NGDN: variants seen among roughly 807,000 people sequenced by gnomAD.
NGDN encodes neuroguidin, also known as EIF4E-binding protein.
Under a neutral mutation model 45.2 loss-of-function variants are expected in NGDN, and 41 were observed. The observed-to-expected ratio is 0.91, with a 90% CI of 0.71 to 1.18. The LOEUF (loss-of-function observed/expected upper bound fraction) is 1.18. NGDN is among the 50% of genes most tolerant of loss of function. The probability of loss-of-function intolerance (pLI) is 0.00; values close to 1 mark genes in which losing one functional copy is unlikely to be tolerated. For missense variants in NGDN, 402 were observed against 399.9 expected, an observed-to-expected ratio of 1.01 and a Z score of -0.05; for synonymous variants, 137 against 130.9, an observed-to-expected ratio of 1.05 and a Z score of -0.32.
Position 23,478,088 on chromosome 14 carries a change from A to G in NGDN, c.*62A>G. The G allele has an allele frequency of 2.7e-6, 4 of 1,495,288 alleles. No individual in the cohort carries two copies. The South Asian group carries it at 3.4e-5, about 13-fold the overall frequency. 92.6% of individuals were successfully genotyped at this position (1,495,288 alleles called of 1,614,324 possible). Reference sequence around the variant, plus strand: ...TGAGATACTTCTAATTTCATTGTATATAGGTGGTTTTCCCTGGAATTCATT... The same window carrying G: ...TGAGATACTTCTAATTTCATTGTATGTAGGTGGTTTTCCCTGGAATTCATT... On this transcript the variant is annotated 3_prime_UTR_variant, in exon 11 of 11. Coordinates refer to ENST00000408901, the MANE Select transcript of NGDN (RefSeq NM_001042635.2).
At chr14:23,477,430 A>G (rs1483867575) in intron 9 of NGDN, 73 bp from the exon 10 acceptor site, 4 of 1,612,558 alleles carry the variant, frequency 2.5e-6, no homozygotes, top group South Asian at 1.1e-5. Flanking sequence ...GCTTATTACC[A>G]TGAGGAACTT....
In NGDN at chr14:23,470,074, G is replaced by GA; in HGVS notation, c.46dup (p.Thr16AsnfsTer69). ...TGGAGTCCGACCTGCCAAGTGCCGT[G>GA]ACACTTCTGAAAAATCTCCAGGAGC... On this transcript the variant is annotated frameshift_variant, in exon 2 of 11. Coordinates refer to ENST00000408901, the MANE Select transcript of NGDN (RefSeq NM_001042635.2). LOFTEE classifies it high-confidence loss of function. 6.2e-7 allele frequency: 1 copy of GA among 1,614,108 alleles called. No homozygotes were observed. The highest frequency in any genetic ancestry group is 2.2e-5 in the East Asian group (1 of 44,878).
At chr14:23,474,918 TG>T (rs1449076524) in intron 3 of NGDN, among the ~76,000 whole-genome samples, 2 of 152,060 alleles carry the variant, frequency 1.3e-5, no homozygotes, top group African/African-American at 4.8e-5. Flanking sequence ...TAGTCTTTTT[TG>T]GGGGGGTAGT....
In NGDN at chr14:23,477,499, C is replaced by G. The variant is rs1384379994; in HGVS notation, c.871-4C>G. ...CATTCCATCACTTCTCCATCTGTCT[C>G]CAGGATCAGAATCCTATTAAGAAGC... On this transcript the variant is annotated splice_polypyrimidine_tract_variant and splice_region_variant and intron_variant, in intron 9 of 10. Transcript: ENST00000408901. 6.2e-7 allele frequency: 1 copy of G among 1,614,120 alleles called. No individual in the cohort carries two copies. The highest frequency in any genetic ancestry group is 2.2e-5 in the East Asian group (1 of 44,878).
rs10149626 is a variant in NGDN at position 23,470,072 on chromosome 14, G to A, written c.43G>A (p.Val15Met). 6.2e-7 allele frequency: 1 copy of A among 1,613,930 alleles called. No individual in the cohort carries two copies. The highest frequency in any genetic ancestry group is 1.7e-5 in the Admixed American group (1 of 59,996). The change falls in exon 2 of 11, where the codon GTG (valine) becomes ATG (methionine). Residue 15 changes from valine to methionine, a missense_variant. Coordinates refer to ENST00000408901, the MANE Select transcript of NGDN (RefSeq NM_001042635.2). Reference sequence around the variant, plus strand: ...GCTGGAGTCCGACCTGCCAAGTGCCGTGACACTTCTGAAAAATCTCCAGGA... The same window carrying A: ...GCTGGAGTCCGACCTGCCAAGTGCCATGACACTTCTGAAAAATCTCCAGGA... ...GVLESDLPSA[V>M]TLLKNLQEQV... is the part of the protein sequence containing the mutation.
In NGDN at chr14:23,477,484, C is replaced by T. The variant is rs946791946; in HGVS notation, c.871-19C>T. 3.7e-6 allele frequency: 6 copies of T among 1,614,018 alleles called. No homozygotes were observed. Among genetic ancestry groups the T allele is most frequent in the African/African-American group, 2.7e-5 (2 of 74,932 alleles). The stretch of plus-strand genomic sequence containing the variant: ...TCAGAACCACAGTGCCATTCCATCA[C>T]TTCTCCATCTGTCTCCAGGATCAGA... On this transcript the variant is annotated intron_variant, in intron 9 of 10. Transcript: ENST00000408901.
chr14:23,478,680 G>C (rs892896492), downstream of NGDN: 2 of 150,462 alleles, frequency 1.3e-5, no homozygotes, highest in Non-Finnish European at 3.0e-5. Flanking sequence ...GAGTGAGTAA[G>C]AAGGCTAGAG....
intron 3 of NGDN, among the ~76,000 whole-genome samples, chr14:23,473,212 T>G (rs549006337): frequency 1.5e-3 from 229 of 152,200 alleles, no homozygotes; most frequent in African/African-American, 5.3e-3. Flanking sequence ...TTAGCCAGGC[T>G]GGTCTCGAAC....
chr14:23,470,486 C>T (rs532742178), intron 2 of NGDN, among the ~76,000 whole-genome samples: 2 of 152,256 alleles, frequency 1.3e-5, no homozygotes, highest in African/African-American at 4.8e-5. Context: ...GAAATTTAGG[C>T]TTGATGCCGC....
chr14:23,477,952 C>G, intron 10 of NGDN, 55 bp from the exon 11 acceptor site: 2 of 1,614,110 alleles, frequency 1.2e-6, no homozygotes, highest in East Asian at 4.5e-5. Flanking sequence ...GTTTTCCTGT[C>G]CCTTTAGCTT....
chr14:23,477,333 G>C lies in NGDN; in HGVS notation c.847G>C (p.Gly283Arg), dbSNP rs568680206. 9 of 1,614,126 alleles carry C rather than the reference G, an allele frequency of 5.6e-6. No homozygotes were observed. The highest frequency in any genetic ancestry group is 7.6e-6 in the Non-Finnish European group (9 of 1,179,994). ...THFSDISALT[G>R]GTVHLDEDQN... Reference sequence around the variant, plus strand: ...CTTCAGTGACATCAGTGCTTTGACAGGGGGAACTGTTCATCTTGATGAGGT... The same window carrying C: ...CTTCAGTGACATCAGTGCTTTGACACGGGGAACTGTTCATCTTGATGAGGT... The change falls in exon 9 of 11, where the codon GGG becomes CGG. Residue 283 changes from glycine (G) to arginine (R), a missense_variant. By Grantham distance (125) the Gly-to-Arg change is moderately radical. Transcript: ENST00000408901.
chr14:23,476,137 G>T lies in NGDN; in HGVS notation c.529G>T (p.Val177Phe). 6.8e-6 allele frequency: 11 copies of T among 1,614,158 alleles called. No homozygotes were observed. Among genetic ancestry groups the T allele is most frequent in the Non-Finnish European group, 9.3e-6 (11 of 1,180,000 alleles). The change falls in exon 7 of 11, where the codon GTT (valine) becomes TTT (phenylalanine). Residue 177 changes from valine (V) to phenylalanine (F), a missense_variant. Val to Phe is a conservative substitution (Grantham distance 50). Transcript: ENST00000408901. ...VSKKYVPPRLVPVHYDETEAE... is the reference protein window; with the variant it reads ...VSKKYVPPRLFPVHYDETEAE... ...TAAGAAATATGTTCCTCCACGCTTG[G>T]TTCCAGTACATTATGGTATAAACTT...
Position 23,475,548 on chromosome 14 carries a change from C to T in NGDN, c.283-10C>T, listed in dbSNP as rs772959940. On this transcript the variant is annotated splice_polypyrimidine_tract_variant and intron_variant, in intron 4 of 10. Transcript: ENST00000408901. Reference sequence around the variant, plus strand: ...AGGAAATATAATCCTGATTAACTACCATGTTGTAGGTTTTGGAAAAGCTTC... The same window carrying T: ...AGGAAATATAATCCTGATTAACTACTATGTTGTAGGTTTTGGAAAAGCTTC... 4 of 1,612,464 alleles carry T rather than the reference C, an allele frequency of 2.5e-6. No homozygotes were observed. The highest frequency in any genetic ancestry group is 2.5e-6 in the Non-Finnish European group (3 of 1,179,058).
intron 3 of NGDN, among the ~76,000 whole-genome samples, chr14:23,473,753 A>T (rs1238506172): frequency 6.6e-6 from 1 of 152,224 alleles, no homozygotes; most frequent in Non-Finnish European, 1.5e-5. Context: ...TATATTTTGA[A>T]TGCTGTTTTT....
intron 4 of NGDN, 102 bp from the exon 5 acceptor site, chr14:23,475,456 G>C: frequency 7.2e-7 from 1 of 1,381,912 alleles, no homozygotes; most frequent in Admixed American, 1.9e-5. Flanking sequence ...GCTCTACTTT[G>C]TACATATTTT....
At chr14:23,470,232 A>T in intron 2 of NGDN, 131 bp downstream of exon 2, 1 of 716,198 alleles carries the variant, frequency 1.4e-6, no homozygotes, top group Non-Finnish European at 2.4e-6. Flanking sequence ...TGTAATCAAA[A>T]CCTTTTCACG....
rs752430377 is a variant in NGDN, at chr14:23,470,950, T to G, written c.117T>G (p.Val39=). ...TAQVKSLTQK[V]QAGAYPTEKG... is the part of the protein sequence containing the mutation. ...AAGTGAAATCACTGACACAAAAAGTTCAAGCTGGTGCCTATCCTACAGAAA... is the reference window on the plus strand; with the variant it reads ...AAGTGAAATCACTGACACAAAAAGTGCAAGCTGGTGCCTATCCTACAGAAA... Residue 39 remains valine, a synonymous_variant, in exon 3 of 11, where the codon GTT becomes GTG. Transcript: ENST00000408901. 2.6e-6 allele frequency: 4 copies of G among 1,553,318 alleles called. No individual in the cohort carries two copies. Among genetic ancestry groups the G allele is most frequent in the Admixed American group, 2.1e-5 (1 of 46,634 alleles).
Position 23,476,295 on chromosome 14 carries a change from T to C in NGDN, c.601T>C (p.Leu201=), listed in dbSNP as rs1295206809. ...KRLERAKRRA[L]SSSVIRELKE... is the part of the protein sequence containing the mutation. ...TCTAGAACGAGCCAAGAGACGGGCATTGAGCAGCTCTGTCATTCGTGAACT... is the reference window on the plus strand; with the variant it reads ...TCTAGAACGAGCCAAGAGACGGGCACTGAGCAGCTCTGTCATTCGTGAACT... Residue 201 remains leucine (L), a synonymous_variant, in exon 8 of 11, where the codon TTG becomes CTG. Coordinates refer to ENST00000408901, the MANE Select transcript of NGDN (RefSeq NM_001042635.2). 3.1e-6 allele frequency: 5 copies of C among 1,614,154 alleles called. No individual in the cohort carries two copies. Among genetic ancestry groups the C allele is most frequent in the South Asian group, 1.1e-5 (1 of 91,084 alleles).
At chr14:23,477,382 G>A in intron 9 of NGDN, 26 bp downstream of exon 9, 1 of 1,613,612 alleles carries the variant, frequency 6.2e-7, no homozygotes, top group Non-Finnish European at 8.5e-7. Flanking sequence ...GGTTGTAGTA[G>A]GATGTGACTT....
Sources: gnomAD v4.1 joint callset for allele counts (sites outside exome capture counted in the v4.1 genomes callset) on GRCh38, gnomAD v4.1.1 for gene constraint, MANE v1.5 for transcripts, NCBI Gene and HGNC (gene_info 2026-07-23, HGNC 2026-07-21) for gene names.